NXF3: variants seen among roughly 807,000 people sequenced by gnomAD.
NXF3 encodes the protein TAP-like protein 3.
A neutral mutation model predicts 48.4 loss-of-function variants in NXF3; 34 were observed. The observed-to-expected ratio is 0.70, with a 90% CI of 0.53 to 0.93. The LOEUF is 0.93. Among genes scored for constraint, NXF3 ranks in the 40% least tolerant of loss-of-function variants. The pLI is 0.00. For synonymous variants in NXF3, 132 were observed against 145.7 expected, an observed-to-expected ratio of 0.91 and a Z score of 0.68; for missense variants, 359 against 406.1, an observed-to-expected ratio of 0.88 and a Z score of 1.00.
chrX:103,079,899 C>A, intron 12 of NXF3, 29 bp from the exon 13 acceptor site: 1 of 1,184,258 alleles, frequency 8.4e-7, no homozygotes, highest in Non-Finnish European at 1.1e-6. Context: ...GACAGGCTAT[C>A]TCTGTGGCCT....
In NXF3 at chrX:103,092,989, A is replaced by C; in HGVS notation, c.28+7T>G. ...CTGAGACTCCAGCCTCATGCTGGCC[A>C]ACTCACCCGTAGTGTGTCCTGAAGG... On this transcript the variant is annotated splice_region_variant and intron_variant, in intron 1 of 19. Transcript: ENST00000395065. 3 of 1,209,193 alleles carry C rather than the reference A, an allele frequency of 2.5e-6. No individual in the cohort carries two copies. The highest frequency in any genetic ancestry group is 3.4e-6 in the Non-Finnish European group (3 of 893,497).
At chrX:103,086,158 C>T (rs1922149455) in intron 1 of NXF3, among the ~76,000 whole-genome samples, 1 of 102,330 alleles carries the variant, frequency 9.8e-6, no homozygotes, top group Admixed American at 1.0e-4. Flanking sequence ...CGGTGGCTCA[C>T]GCCTGTAATC....
In NXF3 at chrX:103,083,203, T is replaced by A; in HGVS notation, c.611A>T (p.Glu204Val). 1 of 1,210,932 alleles carries A rather than the reference T, an allele frequency of 8.3e-7. No homozygotes were observed. The highest frequency in any genetic ancestry group is 1.1e-6 in the Non-Finnish European group (1 of 895,088). Residue 204 changes from glutamate (E) to valine (V), a missense_variant, in exon 6 of 20, where the codon GAG becomes GTG. Coordinates refer to ENST00000395065, the MANE Select transcript of NXF3 (RefSeq NM_022052.2). The part of the protein sequence containing the change: ...VHRELKSEKV[E>V]QIKLAMNQQC... The stretch of plus-strand genomic sequence containing the variant: ...ATGAGTCTGTGTTACCTTTATCTGC[T>A]CCACCTTTTCTGACTTCAGCTCCCT...
intron 3 of NXF3, 58 bp downstream of exon 3, chrX:103,084,273 CACACAAATCCA>C: frequency 8.8e-7 from 1 of 1,142,382 alleles, no homozygotes; most frequent in Admixed American, 2.3e-5. Flanking sequence ...ATCTAGTGTC[CACACAAATCCA>C]ACACAATTCC....
chrX:103,086,054 C>T (rs1297970449), intron 1 of NXF3, among the ~76,000 whole-genome samples: 11 of 110,531 alleles, frequency 1.0e-4, no homozygotes, highest in African/African-American at 3.6e-4. Flanking sequence ...TCAAGTGATC[C>T]GCCCACCTTG....
chrX:103,079,275 G>T lies in NXF3; in HGVS notation c.1336-12C>A. On this transcript the variant is annotated splice_polypyrimidine_tract_variant and intron_variant, in intron 15 of 19. Coordinates refer to ENST00000395065, the MANE Select transcript of NXF3 (RefSeq NM_022052.2). ...CAGAGCATCCATTCCTGAAAGGGAA[G>T]ATCTCAGGTGCTCAGGATCCCCCTT... is the stretch of plus-strand genomic sequence containing the variant. The T allele has an allele frequency of 8.3e-7, 1 of 1,211,189 alleles. No homozygotes were observed. The highest frequency in any genetic ancestry group is 2.3e-4 in the Middle Eastern group (1 of 4,352).
rs781719145 is a variant in NXF3, at chrX:103,083,093, T to G, written c.622-20A>C. The G allele has an allele frequency of 8.3e-7, 1 of 1,205,015 alleles. No individual in the cohort carries two copies. ...GGCCAGCTGCAGAGTTAGAGATGGG[T>G]TTCAGAGGCTCTGAAGTTGAGGTGG... is the stretch of plus-strand genomic sequence containing the variant. On this transcript the variant is annotated intron_variant, in intron 6 of 19. Transcript: ENST00000395065.
intron 8 of NXF3, among the ~76,000 whole-genome samples, 174 bp downstream of exon 8, chrX:103,082,586 T>A (rs1043436697): frequency 8.0e-5 from 9 of 112,116 alleles, no homozygotes; most frequent in Admixed American, 1.9e-4. Context: ...TGGCATAATG[T>A]CAAGCATCTG....
At position 103,083,779 on chromosome X, in the gene NXF3, A is replaced by G. The variant is rs1476077640; in HGVS notation, c.352-87T>C. 2.4e-5 allele frequency: 16 copies of G among 659,877 alleles called. No homozygotes were observed. In the East Asian group the frequency reaches 4.9e-4, roughly 20 times the overall value. 54.4% of individuals were successfully genotyped at this position (659,877 alleles called of 1,213,427 possible). ...AAGTGGACCCAAATATGTTCCTTTC[A>G]GACTTTAAAATAGTTTAAGATAGGA... On this transcript the variant is annotated intron_variant, in intron 3 of 19. Transcript: ENST00000395065.
At chrX:103,080,333 A>T in intron 10 of NXF3, 117 bp from the exon 11 acceptor site, 2 of 773,219 alleles carry the variant, frequency 2.6e-6, no homozygotes, top group South Asian at 4.9e-5. Context: ...AGCGTTCTGG[A>T]AATTACGTGG....
At position 103,080,164 on chromosome X, in the gene NXF3, C is replaced by T; in HGVS notation, c.980G>A (p.Arg327Lys). The change falls in exon 11 of 20, where the codon AGG becomes AAG. Residue 327 changes from arginine (R) to lysine (K), a missense_variant. Arg to Lys is a conservative substitution (Grantham distance 26). Transcript: ENST00000395065. ...ATLCGTEAHK[R>K]LPTCKGSFFG... ...TCTTCTCACCTTACAGGTTGGTAAC[C>T]TCTTGTGGGCTTCAGTACCACATAA... The T allele has an allele frequency of 1.7e-6, 2 of 1,211,363 alleles. No homozygotes were observed. Among genetic ancestry groups the T allele is most frequent in the Non-Finnish European group, 2.2e-6 (2 of 895,359 alleles).
chrX:103,089,088 G>C (rs1198196211), intron 1 of NXF3: 2 of 1,008,313 alleles, frequency 2.0e-6, no homozygotes, highest in Non-Finnish European at 2.8e-6. Flanking sequence ...CCGACGCAGT[G>C]TTTGTGCTAG....
chrX:103,083,244 T>C lies in NXF3; in HGVS notation c.570A>G (p.Ile190Met), dbSNP rs1922060642. 4 of 1,211,206 alleles carry C rather than the reference T, an allele frequency of 3.3e-6. No individual in the cohort carries two copies. The highest frequency in any genetic ancestry group is 4.5e-6 in the Non-Finnish European group (4 of 895,349). ...TCAGCTCCCTGTGCACAAAGTGGGG[T>C]ATGCCAGCAGGGTTGACAAAGATTG... ...KISIFVNPAGIPHFVHRELKS... is the reference protein window; with the variant it reads ...KISIFVNPAGMPHFVHRELKS... Residue 190 changes from isoleucine (I) to methionine (M), a missense_variant, in exon 6 of 20, where the codon ATA becomes ATG. Transcript: ENST00000395065.
chrX:103,077,953 T>C (rs964109472), intron 17 of NXF3, among the ~76,000 whole-genome samples: 12 of 111,802 alleles, frequency 1.1e-4, no homozygotes, highest in African/African-American at 3.9e-4. Context: ...TTTGTAGGTT[T>C]ACCTACAACC....
intron 1 of NXF3, among the ~76,000 whole-genome samples, chrX:103,085,698 T>C (rs1261343083): frequency 9.1e-6 from 1 of 109,917 alleles, no homozygotes; most frequent in Non-Finnish European, 1.9e-5. Flanking sequence ...GGTCAGGAGA[T>C]GGAGACCATG....
intron 1 of NXF3, chrX:103,089,313 T>C (rs1602892001): frequency 5.0e-6 from 2 of 402,002 alleles, no homozygotes; most frequent in South Asian, 8.4e-5. Flanking sequence ...TGGTCTCTGG[T>C]GATCTTATTT....
chrX:103,077,019 A>C (rs1396386844), intron 18 of NXF3, among the ~76,000 whole-genome samples: 1 of 111,248 alleles, frequency 9.0e-6, no homozygotes, highest in Non-Finnish European at 1.9e-5. Context: ...AAAATGATTG[A>C]GACTTGTCTC....
At chrX:103,082,161 G>A (rs1307367581) in intron 9 of NXF3, 94 bp downstream of exon 9, 2 of 585,172 alleles carry the variant, frequency 3.4e-6, no homozygotes, top group South Asian at 2.3e-5. Context: ...GAGGGTCTGT[G>A]GTCCTCCCAG....
chrX:103,079,101 G>T, intron 16 of NXF3, 120 bp downstream of exon 16: 1 of 770,548 alleles, frequency 1.3e-6, no homozygotes, highest in Non-Finnish European at 2.0e-6. Context: ...GGGAAAACAC[G>T]GAGGGAACAA....
Sources: allele counts gnomAD v4.1 joint callset (sites outside exome capture counted in the v4.1 genomes callset), GRCh38; gene constraint gnomAD v4.1.1; transcripts MANE v1.5; gene names NCBI Gene and HGNC (gene_info 2026-07-23, HGNC 2026-07-21).